The following HTR1F variants were observed in gnomAD, a reference collection of about 807,000 sequenced individuals.
The protein encoded by HTR1F is 5-hydroxytryptamine receptor 1F, also known as 5-hydroxytryptamine (serotonin) receptor 1F, G protein-coupled.
Under a neutral mutation model 24.0 loss-of-function variants are expected in HTR1F, and 17 were observed. The ratio of observed to expected loss-of-function variants is 0.71; its 90% CI spans 0.48 to 1.06. The LOEUF (loss-of-function observed/expected upper bound fraction) is 1.06. Ranked by LOEUF, HTR1F falls within the 50% of genes least tolerant of loss-of-function variation. HTR1F has a pLI of 0.00. For synonymous variants in HTR1F, 186 were observed against 156.8 expected (o/e 1.19, Z -1.39); for missense variants, 391 against 427.8 (o/e 0.91, Z 0.76).
chr3:87,920,967 G>A (rs1380717797), intron 2 of HTR1F, among the ~76,000 whole-genome samples: 1 of 151,798 alleles, frequency 6.6e-6, no homozygotes, highest in Admixed American at 6.6e-5. Context: ...CTTTCCTTAG[G>A]TTTTAATTTA....
chr3:87,935,059 G>A lies in HTR1F; in HGVS notation c.-42-55649G>A, dbSNP rs143870878. ...TTTCTTCATTTGTTTGTAGAAACAA[G>A]GTCTCACTACATTGCCCAGGCTGGT... On this transcript the variant is annotated intron_variant, in intron 2 of 2. Transcript: ENST00000319595. 4.6e-5 allele frequency among the ~76,000 whole-genome samples: 7 copies of A among 152,206 alleles called. No homozygotes were observed. In the East Asian group the frequency reaches 1.4e-3, roughly 29 times the overall value.
At chr3:87,964,785 G>T (rs1705129428) in intron 2 of HTR1F, among the ~76,000 whole-genome samples, 1 of 152,132 alleles carries the variant, frequency 6.6e-6, no homozygotes, top group Non-Finnish European at 1.5e-5. Context: ...TTTGTTTCCT[G>T]CCTGATATGA....
chr3:87,912,224 T>C (rs1408603875), intron 2 of HTR1F, among the ~76,000 whole-genome samples: 1 of 152,004 alleles, frequency 6.6e-6, no homozygotes, highest in Admixed American at 6.6e-5. Context: ...TAGCAAAATT[T>C]CATGATACAA....
chr3:87,968,456 C>A (rs1327581809), intron 2 of HTR1F, among the ~76,000 whole-genome samples: 1 of 152,160 alleles, frequency 6.6e-6, no homozygotes, highest in African/African-American at 2.4e-5. Flanking sequence ...CAGGTGATCA[C>A]CCACCTCACC....
At chr3:87,945,544 C>T (rs56063464) in intron 2 of HTR1F, among the ~76,000 whole-genome samples, 17,074 of 152,198 alleles carry the variant, frequency 0.11, 1,185 homozygotes, top group Non-Finnish European at 0.16. Context: ...TGATGTCAAC[C>T]GGCTAATGCT....
At chr3:87,798,964 A>G (rs1472260331) in intron 1 of HTR1F, among the ~76,000 whole-genome samples, 1 of 152,150 alleles carries the variant, frequency 6.6e-6, no homozygotes, top group Non-Finnish European at 1.5e-5. Flanking sequence ...ATTCACTTCC[A>G]TTTTATGTTT....
chr3:87,884,337 C>G (rs1056167266), intron 2 of HTR1F, among the ~76,000 whole-genome samples: 1 of 152,158 alleles, frequency 6.6e-6, no homozygotes, highest in Admixed American at 6.5e-5. Context: ...CTTACAAGAG[C>G]TGCTGAAGGA....
At chr3:87,835,266 T>C (rs1704659081) in intron 2 of HTR1F, among the ~76,000 whole-genome samples, 1 of 151,474 alleles carries the variant, frequency 6.6e-6, no homozygotes, top group South Asian at 2.1e-4. Context: ...AAAGGACCCT[T>C]ACCCCCAAGA....
At chr3:87,940,212 C>T (rs780296603) in intron 2 of HTR1F, among the ~76,000 whole-genome samples, 4 of 152,160 alleles carry the variant, frequency 2.6e-5, no homozygotes, top group Non-Finnish European at 4.4e-5. Flanking sequence ...AATTTGATTG[C>T]ACTGTGATCT....
At chr3:87,835,396 C>G (rs1704663354) in intron 2 of HTR1F, among the ~76,000 whole-genome samples, 2 of 152,036 alleles carry the variant, frequency 1.3e-5, no homozygotes, top group South Asian at 2.1e-4. Context: ...GCATTAAACC[C>G]CAATCGGGGG....
In HTR1F at chr3:87,861,396, A is replaced by C. The variant is rs1353536016; in HGVS notation, c.-43+39272A>C. On this transcript the variant is annotated intron_variant, in intron 2 of 2. Transcript: ENST00000319595. Reference sequence around the variant, plus strand: ...AATGAGGCCCCACAAGTAAGGATGAAGAGCTTTACCTCCTGAAAATGACAA... The same window carrying C: ...AATGAGGCCCCACAAGTAAGGATGACGAGCTTTACCTCCTGAAAATGACAA... 2.0e-5 allele frequency among the ~76,000 whole-genome samples: 3 copies of C among 152,146 alleles called. No homozygotes were observed. In the East Asian group the frequency reaches 5.8e-4, roughly 29 times the overall value.
At chr3:87,808,931 T>G (rs1704117420) in intron 1 of HTR1F, among the ~76,000 whole-genome samples, 1 of 151,810 alleles carries the variant, frequency 6.6e-6, no homozygotes, top group African/African-American at 2.4e-5. Context: ...TTTTATAGAT[T>G]TCTAGTTTTA....
chr3:87,972,666 A>G (rs981421842), intron 2 of HTR1F, among the ~76,000 whole-genome samples: 2 of 152,078 alleles, frequency 1.3e-5, no homozygotes, highest in Non-Finnish European at 2.9e-5. Context: ...TGTGTTCCCA[A>G]TCATGTAAAT....
At chr3:87,906,045 T>C (rs1459879199) in intron 2 of HTR1F, among the ~76,000 whole-genome samples, 1 of 152,084 alleles carries the variant, frequency 6.6e-6, no homozygotes, top group South Asian at 2.1e-4. Flanking sequence ...TAAGGATTAA[T>C]TGAACTATAC....
chr3:87,856,762 T>C (rs771511432), intron 2 of HTR1F, among the ~76,000 whole-genome samples: 1 of 152,148 alleles, frequency 6.6e-6, no homozygotes, highest in Non-Finnish European at 1.5e-5. Flanking sequence ...CATGTAAATA[T>C]GTGCATTCAG....
chr3:87,920,559 G>T (rs1253821569), intron 2 of HTR1F, among the ~76,000 whole-genome samples: 1 of 151,896 alleles, frequency 6.6e-6, no homozygotes, highest in African/African-American at 2.4e-5. Context: ...AAAACAGTAA[G>T]GTAGCTTTTG....
intron 2 of HTR1F, among the ~76,000 whole-genome samples, chr3:87,921,728 G>T (rs113528546): frequency 5.9e-5 from 9 of 151,502 alleles, no homozygotes; most frequent in Admixed American, 1.3e-4. Flanking sequence ...CACTCTCCTC[G>T]CTACCCTTCC....
At chr3:87,881,123 G>C (rs1289175828) in intron 2 of HTR1F, among the ~76,000 whole-genome samples, 1 of 152,160 alleles carries the variant, frequency 6.6e-6, no homozygotes. Context: ...AGCAGGGCGG[G>C]GCATTGCCTC....
chr3:87,945,708 G>T (rs1460803068), intron 2 of HTR1F, among the ~76,000 whole-genome samples: 2 of 152,210 alleles, frequency 1.3e-5, no homozygotes, highest in Non-Finnish European at 2.9e-5. Flanking sequence ...TGAGTCTTAA[G>T]TCCAGCAGCC....
Sources: gnomAD v4.1 joint callset for allele counts (sites outside exome capture counted in the v4.1 genomes callset) on GRCh38, gnomAD v4.1.1 for gene constraint, MANE v1.5 for transcripts, NCBI Gene and HGNC (gene_info 2026-07-23, HGNC 2026-07-21) for gene names.